SYN3: variants seen among roughly 807,000 people sequenced by gnomAD.
SYN3 encodes synapsin-3.
Under a neutral mutation model 65.8 loss-of-function variants are expected in SYN3, and 35 were observed. The ratio of observed to expected loss-of-function variants is 0.53; its 90% CI spans 0.41 to 0.70. The LOEUF is 0.70. Ranked by LOEUF, SYN3 falls within the 30% of genes least tolerant of loss-of-function variation. The pLI is 0.00. For synonymous variants in SYN3, 270 were observed against 292.9 expected, an observed-to-expected ratio of 0.92 and a Z score of 0.80; for missense variants, 680 against 749.0, an observed-to-expected ratio of 0.91 and a Z score of 1.08.
chr22:32,976,994 T>TGG (rs133920), intron 3 of SYN3, among the ~76,000 whole-genome samples: 1,876 of 148,412 alleles, frequency 0.013, 25 homozygotes, highest in African/African-American at 0.044. Flanking sequence ...GTGAGATTCC[T>TGG]GGGGGGGGGG....
At chr22:32,781,571 A>G (rs1229541549) in intron 6 of SYN3, among the ~76,000 whole-genome samples, 1 of 152,152 alleles carries the variant, frequency 6.6e-6, no homozygotes, top group Non-Finnish European at 1.5e-5. Flanking sequence ...TAAAATGTTT[A>G]TATCAGTGCT....
chr22:32,656,384 T>G (rs1167747346), intron 6 of SYN3, among the ~76,000 whole-genome samples: 1 of 152,230 alleles, frequency 6.6e-6, no homozygotes, highest in Non-Finnish European at 1.5e-5. Flanking sequence ...CGACATGATG[T>G]ATATCAAGTG....
At chr22:32,818,366 C>T (rs538671921) in intron 6 of SYN3, among the ~76,000 whole-genome samples, 1 of 152,104 alleles carries the variant, frequency 6.6e-6, no homozygotes, top group African/African-American at 2.4e-5. Context: ...AGCCCAGGGG[C>T]TGGGGGCAGC....
intron 6 of SYN3, among the ~76,000 whole-genome samples, chr22:32,762,357 G>C (rs1035996902): frequency 6.6e-6 from 1 of 152,100 alleles, no homozygotes; most frequent in Non-Finnish European, 1.5e-5. Context: ...GCACCCTCTT[G>C]CTCCCTGTCC....
intron 6 of SYN3, 46 bp downstream of exon 6, chr22:32,864,869 T>C: frequency 6.5e-7 from 1 of 1,541,472 alleles, no homozygotes; most frequent in Non-Finnish European, 9.0e-7. Context: ...GTCATCTGTA[T>C]TCATTCCGCA....
intron 6 of SYN3, among the ~76,000 whole-genome samples, chr22:32,687,204 C>T (rs2060602547): frequency 0.038 from 1 of 26 alleles, no homozygotes. Flanking sequence ...CGCTCTGCCG[C>T]CCAGGTGGAG....
Position 32,699,197 on chromosome 22 carries a change from C to T in SYN3, c.712-102461G>A, listed in dbSNP as rs556259175. On this transcript the variant is annotated intron_variant, in intron 6 of 13. Transcript: ENST00000358763. ...ACTCCAGGACAACACCCAAACTCCA[C>T]AGTGCCCCCACCATGGAGTACTTGT... 5.1e-4 allele frequency among the ~76,000 whole-genome samples: 78 copies of T among 152,306 alleles called. 1 individual carries two copies. Among genetic ancestry groups the T allele is most frequent in the Admixed American group, 9.1e-4 (14 of 15,312 alleles).
chr22:32,677,981 G>A (rs944665003), intron 6 of SYN3, among the ~76,000 whole-genome samples: 20 of 152,118 alleles, frequency 1.3e-4, no homozygotes, highest in African/African-American at 4.8e-4. Context: ...ATAATGTCTA[G>A]GGAACTACAA....
intron 6 of SYN3, among the ~76,000 whole-genome samples, chr22:32,737,700 A>G (rs558342990): frequency 3.0e-4 from 45 of 152,204 alleles, no homozygotes; most frequent in Non-Finnish European, 5.9e-5. Context: ...ATTCCTGTCC[A>G]CCTAAATAAT....
chr22:33,011,671 G>A (rs1457782752), intron 1 of SYN3, among the ~76,000 whole-genome samples: 2 of 151,990 alleles, frequency 1.3e-5, no homozygotes, highest in African/African-American at 2.4e-5. Flanking sequence ...TAAATTATTG[G>A]CAGAATTCAA....
At chr22:32,841,225 C>T (rs2047892512) in intron 6 of SYN3, among the ~76,000 whole-genome samples, 1 of 152,228 alleles carries the variant, frequency 6.6e-6, no homozygotes, top group Non-Finnish European at 1.5e-5. Flanking sequence ...AAAGAACCTG[C>T]TGCCCGGGGA....
At chr22:32,883,584 T>G (rs1214165162) in intron 4 of SYN3, among the ~76,000 whole-genome samples, 1 of 152,230 alleles carries the variant, frequency 6.6e-6, no homozygotes, top group African/African-American at 2.4e-5. Context: ...CTGATAGAAT[T>G]GACCTGAAGT....
At chr22:32,725,149 C>G (rs2147309063) in intron 6 of SYN3, among the ~76,000 whole-genome samples, 1 of 152,192 alleles carries the variant, frequency 6.6e-6, no homozygotes, top group South Asian at 2.1e-4. Flanking sequence ...CACAACACAA[C>G]ACAACGCAAC....
chr22:33,034,193 A>AACAC (rs1556213767), intron 1 of SYN3, among the ~76,000 whole-genome samples: 3 of 151,130 alleles, frequency 2.0e-5, no homozygotes, highest in African/African-American at 7.3e-5. Flanking sequence ...GTTAAAAAAA[A>AACAC]ACACACACAC....
intron 6 of SYN3, among the ~76,000 whole-genome samples, chr22:32,624,341 C>G (rs539234623): frequency 2.0e-5 from 3 of 152,312 alleles, no homozygotes; most frequent in Non-Finnish European, 2.9e-5. Flanking sequence ...GCATCTGGGT[C>G]TGCCTTGCAG....
At chr22:32,581,422 A>G (rs1024313839) in intron 7 of SYN3, among the ~76,000 whole-genome samples, 1 of 152,214 alleles carries the variant, frequency 6.6e-6, no homozygotes, top group African/African-American at 2.4e-5. Context: ...AACTGGGGCT[A>G]TTTTACAGGT....
chr22:33,029,446 G>T (rs2053710724), intron 1 of SYN3, among the ~76,000 whole-genome samples: 1 of 152,040 alleles, frequency 6.6e-6, no homozygotes, highest in African/African-American at 2.4e-5. Flanking sequence ...ACCTCCCAAA[G>T]CGCTGGGATT....
intron 7 of SYN3, among the ~76,000 whole-genome samples, chr22:32,575,303 C>A (rs185933376): frequency 2.3e-4 from 35 of 152,348 alleles, no homozygotes; most frequent in African/African-American, 8.2e-4. Flanking sequence ...TCCTCTTTAA[C>A]CCCAATACTT....
At chr22:32,983,761 T>C (rs936771036) in intron 2 of SYN3, among the ~76,000 whole-genome samples, 8 of 152,324 alleles carry the variant, frequency 5.3e-5, no homozygotes, top group Non-Finnish European at 1.0e-4. Context: ...GACAAGCCCA[T>C]GTCTAGTATT....
Sources: allele counts gnomAD v4.1 joint callset (sites outside exome capture counted in the v4.1 genomes callset), GRCh38; gene constraint gnomAD v4.1.1; transcripts MANE v1.5; gene names NCBI Gene and HGNC (gene_info 2026-07-23, HGNC 2026-07-21).